The following DOCK1 variants were observed in gnomAD, a reference collection of about 807,000 sequenced individuals.
DOCK1 encodes the protein dedicator of cytokinesis 1, also known as dedicator of cytokinesis protein 1.
Under a neutral mutation model 262.7 loss-of-function variants are expected in DOCK1, and 138 were observed. The ratio of observed to expected loss-of-function variants is 0.53; its 90% confidence interval spans 0.46 to 0.61. DOCK1 has a LOEUF of 0.61. Ranked by LOEUF, DOCK1 falls within the 20% of genes least tolerant of loss-of-function variation. DOCK1 has a pLI of 0.00. For synonymous variants in DOCK1, 866 were observed against 867.4 expected (o/e 1.00, Z 0.03); for missense variants, 1,908 against 2,370.7 (o/e 0.80, Z 4.05).
chr10:127,400,992 A>C (rs1478140151), intron 38 of DOCK1, among the ~76,000 whole-genome samples: 1 of 152,174 alleles, frequency 6.6e-6, no homozygotes, highest in Non-Finnish European at 1.5e-5. Context: ...ATACAACTTC[A>C]CTATCGTAGA....
intron 10 of DOCK1, 45 bp downstream of exon 10, chr10:127,000,352 A>T: frequency 6.3e-7 from 1 of 1,597,998 alleles, no homozygotes; most frequent in Non-Finnish European, 8.5e-7. Context: ...AGATCTTCAC[A>T]GTCACTTTCA....
intron 27 of DOCK1, among the ~76,000 whole-genome samples, chr10:127,215,874 C>A (rs1195536653): frequency 6.6e-6 from 1 of 150,936 alleles, no homozygotes; most frequent in Non-Finnish European, 1.5e-5. Context: ...TCAAAATAAT[C>A]CCTGCAGTGA....
chr10:126,942,560 T>A (rs1312136525), intron 1 of DOCK1, among the ~76,000 whole-genome samples: 1 of 152,136 alleles, frequency 6.6e-6, no homozygotes, highest in Non-Finnish European at 1.5e-5. Flanking sequence ...GCTCCTTCCT[T>A]CTGATTTGCA....
chr10:127,038,642 C>T (rs1004536156), intron 19 of DOCK1, among the ~76,000 whole-genome samples: 1 of 152,154 alleles, frequency 6.6e-6, no homozygotes, highest in Non-Finnish European at 1.5e-5. Flanking sequence ...GTCTTCTTCC[C>T]ACGGGACGCT....
At chr10:127,011,544 C>T (rs2041443847) in intron 11 of DOCK1, among the ~76,000 whole-genome samples, 1 of 152,226 alleles carries the variant, frequency 6.6e-6, no homozygotes, top group Admixed American at 6.5e-5. Flanking sequence ...TCTATTTGGG[C>T]ATATGCCCCC....
chr10:127,344,241 T>C (rs558712361), intron 31 of DOCK1: 3 of 153,098 alleles, frequency 2.0e-5, no homozygotes, highest in African/African-American at 4.8e-5. Flanking sequence ...TCATTGTAAA[T>C]AAACCTCTCC....
intron 1 of DOCK1, among the ~76,000 whole-genome samples, chr10:126,913,197 A>C (rs1314980716): frequency 6.6e-6 from 1 of 152,196 alleles, no homozygotes; most frequent in African/African-American, 2.4e-5. Flanking sequence ...TTCTCCTGTG[A>C]GTGTGGCTCA....
intron 40 of DOCK1, among the ~76,000 whole-genome samples, chr10:127,406,403 G>A (rs994035659): frequency 4.6e-5 from 7 of 152,282 alleles, no homozygotes; most frequent in South Asian, 2.1e-4. Flanking sequence ...TGAAAAGTCT[G>A]AATGGAGGTT....
chr10:127,143,983 C>A (rs150708256), intron 27 of DOCK1, among the ~76,000 whole-genome samples: 108 of 152,302 alleles, frequency 7.1e-4, no homozygotes, highest in African/African-American at 2.5e-3. Flanking sequence ...CCCTGGATGA[C>A]TGCAGACCCT....
intron 2 of DOCK1, among the ~76,000 whole-genome samples, chr10:126,974,629 C>T (rs374078865): frequency 3.3e-5 from 5 of 152,128 alleles, no homozygotes; most frequent in African/African-American, 7.2e-5. Context: ...GTAATCGTTC[C>T]GTTCTGTTCT....
At chr10:126,959,504 C>G (rs1160392930) in intron 1 of DOCK1, among the ~76,000 whole-genome samples, 1 of 151,754 alleles carries the variant, frequency 6.6e-6, no homozygotes, top group Non-Finnish European at 1.5e-5. Flanking sequence ...CCCTTAGACA[C>G]GAATTTGGAC....
intron 29 of DOCK1, among the ~76,000 whole-genome samples, chr10:127,268,452 A>G (rs143606637): frequency 1.1e-3 from 142 of 129,864 alleles, no homozygotes; most frequent in Non-Finnish European, 1.6e-3. Context: ...GTGAGCCGAG[A>G]TCGTGCCACT....
chr10:127,260,549 TTC>T (rs1261716019), intron 29 of DOCK1, among the ~76,000 whole-genome samples: 1 of 152,156 alleles, frequency 6.6e-6, no homozygotes, highest in Non-Finnish European at 1.5e-5. Context: ...CCATGGGAGC[TTC>T]CTGCAGAGAA....
chr10:126,905,471 C>T lies in DOCK1; in HGVS notation c.-47C>T, dbSNP rs1330712624. 2 of 514,410 alleles carry T rather than the reference C, an allele frequency of 3.9e-6. No individual in the cohort carries two copies. The highest frequency in any genetic ancestry group is 3.3e-5 in the Admixed American group (1 of 30,642). 31.9% of individuals were successfully genotyped at this position (514,410 alleles called of 1,614,324 possible). On this transcript the variant is annotated 5_prime_UTR_variant, in exon 1 of 52. Coordinates refer to ENST00000623213, the MANE Select transcript of DOCK1 (RefSeq NM_001290223.2). The stretch of plus-strand genomic sequence containing the variant: ...CTCGAAAGGAATGGAAAATGGCGGC[C>T]TAGACGCGGAGTTTCCTGCCCGACC...
At chr10:127,154,181 G>C (rs1030154428) in intron 27 of DOCK1, among the ~76,000 whole-genome samples, 2 of 152,122 alleles carry the variant, frequency 1.3e-5, no homozygotes, top group African/African-American at 4.8e-5. Context: ...ATATGATTTC[G>C]TTATAAGCAC....
intron 35 of DOCK1, among the ~76,000 whole-genome samples, chr10:127,378,887 T>G (rs2134083479): frequency 6.6e-6 from 1 of 152,376 alleles, no homozygotes; most frequent in South Asian, 2.1e-4. Flanking sequence ...GCAACAGAAC[T>G]TGAAAATCTT....
At chr10:127,087,605 A>C (rs1053203040) in intron 23 of DOCK1, among the ~76,000 whole-genome samples, 1 of 152,130 alleles carries the variant, frequency 6.6e-6, no homozygotes, top group Non-Finnish European at 1.5e-5. Flanking sequence ...CACAGTCCCC[A>C]TTCTCAAGAA....
At chr10:127,082,374 A>C (rs766568288) in intron 23 of DOCK1, among the ~76,000 whole-genome samples, 1 of 152,178 alleles carries the variant, frequency 6.6e-6, no homozygotes, top group African/African-American at 2.4e-5. Context: ...AAGAGGCTTA[A>C]TTTAAGGGAC....
chr10:127,434,477 G>A lies in DOCK1; in HGVS notation c.5060+1049G>A, dbSNP rs148151138. On this transcript the variant is annotated intron_variant, in intron 48 of 51. Transcript: ENST00000623213. ...TAAGTGAACAGTTCGGTGGCATTGC[G>A]TACGTTCACATCGCTGTGCAGCCAT... 1.9e-4 allele frequency among the ~76,000 whole-genome samples: 29 copies of A among 152,154 alleles called. No homozygotes were observed. The South Asian group carries it at 2.7e-3, about 14-fold the overall frequency.
Sources: allele counts gnomAD v4.1 joint callset (sites outside exome capture counted in the v4.1 genomes callset), GRCh38; gene constraint gnomAD v4.1.1; transcripts MANE v1.5; gene names NCBI Gene and HGNC (gene_info 2026-07-23, HGNC 2026-07-21).